The following PPP1R13B variants were observed in gnomAD, a reference collection of about 807,000 sequenced individuals.
PPP1R13B encodes the protein protein phosphatase 1 regulatory subunit 13B.
Under a neutral mutation model 119.8 loss-of-function variants are expected in PPP1R13B, and 44 were observed. That is an observed-to-expected ratio of 0.37 (90% CI 0.29 to 0.47). PPP1R13B has a LOEUF of 0.47. Ranked by LOEUF, PPP1R13B falls within the 20% of genes least tolerant of loss-of-function variation. The probability of loss-of-function intolerance (pLI) is 0.99; values close to 1 mark genes in which losing one functional copy is unlikely to be tolerated. For missense variants in PPP1R13B, 1,227 were observed against 1,413.5 expected, an observed-to-expected ratio of 0.87 and a Z score of 2.12; for synonymous variants, 542 against 561.5, an observed-to-expected ratio of 0.97 and a Z score of 0.49.
rs933007843 is a variant in PPP1R13B at position 103,734,591 on chromosome 14, G to A, written c.*563C>T. On this transcript the variant is annotated 3_prime_UTR_variant, in exon 17 of 17. Transcript: ENST00000202556. ...GAACAGGAAGCGGAACCCCCAAGGC[G>A]GCCGAGCAGAGTGGGTACTGGGAGG... 7 of 456,510 alleles carry A rather than the reference G, an allele frequency of 1.5e-5. No individual in the cohort carries two copies. The highest frequency in any genetic ancestry group is 6.9e-5 in the East Asian group (1 of 14,396). 28.3% of individuals were successfully genotyped at this position (456,510 alleles called of 1,614,324 possible). A position where few individuals can be genotyped will look rare whatever the true frequency, so the allele number is the denominator to read the frequency against.
intron 1 of PPP1R13B, among the ~76,000 whole-genome samples, chr14:103,841,843 G>C (rs1412921600): frequency 2.0e-5 from 3 of 152,150 alleles, no homozygotes; most frequent in African/African-American, 7.2e-5. Flanking sequence ...ATGAATATTA[G>C]AGAACTTCAT....
chr14:103,781,725 C>T (rs758173510), intron 3 of PPP1R13B, among the ~76,000 whole-genome samples: 48 of 152,136 alleles, frequency 3.2e-4, no homozygotes, highest in Non-Finnish European at 4.6e-4. Flanking sequence ...GATCTCAGCT[C>T]GCTGCAAGCT....
intron 4 of PPP1R13B, among the ~76,000 whole-genome samples, chr14:103,777,186 T>C (rs567229537): frequency 2.0e-5 from 3 of 151,850 alleles, no homozygotes; most frequent in Admixed American, 2.0e-4. Context: ...AGAGATAGGG[T>C]TTCACCATAT....
intron 1 of PPP1R13B, among the ~76,000 whole-genome samples, chr14:103,827,512 A>T (rs2086575125): frequency 6.6e-6 from 1 of 151,898 alleles, no homozygotes; most frequent in Non-Finnish European, 1.5e-5. Flanking sequence ...TCCTCTGAAT[A>T]TTAGCCAATA....
intron 8 of PPP1R13B, chr14:103,747,507 G>A (rs1356120447): frequency 6.6e-6 from 1 of 151,896 alleles, no homozygotes; most frequent in Non-Finnish European, 1.5e-5. Context: ...GTATTTTCCA[G>A]ATGAGATTAA....
At chr14:103,795,072 G>C (rs1484392648) in intron 2 of PPP1R13B, among the ~76,000 whole-genome samples, 1 of 152,098 alleles carries the variant, frequency 6.6e-6, no homozygotes, top group Non-Finnish European at 1.5e-5. Flanking sequence ...CAAGAAGCTG[G>C]GACTATAGGC....
intron 5 of PPP1R13B, among the ~76,000 whole-genome samples, chr14:103,755,469 C>T (rs11625740): frequency 2.0e-5 from 3 of 152,072 alleles, no homozygotes; most frequent in Admixed American, 6.5e-5. Flanking sequence ...CTAAAAATAA[C>T]AATATATGCA....
At chr14:103,836,640 C>T (rs979028633) in intron 1 of PPP1R13B, among the ~76,000 whole-genome samples, 4 of 151,844 alleles carry the variant, frequency 2.6e-5, no homozygotes, top group African/African-American at 7.2e-5. Context: ...CGTGGTGGCA[C>T]GCACCTGTAA....
chr14:103,814,810 TG>T (rs1432357512), intron 1 of PPP1R13B, among the ~76,000 whole-genome samples: 1 of 151,742 alleles, frequency 6.6e-6, no homozygotes, highest in Admixed American at 6.6e-5. Context: ...CCGGGCATGG[TG>T]GTGGGCGCCT....
chr14:103,805,964 T>C (rs1595799359), intron 1 of PPP1R13B, among the ~76,000 whole-genome samples: 1 of 152,336 alleles, frequency 6.6e-6, no homozygotes, highest in East Asian at 1.9e-4. Context: ...TGTACAACTA[T>C]GTAAATTTAC....
intron 1 of PPP1R13B, among the ~76,000 whole-genome samples, chr14:103,815,396 T>C (rs984594423): frequency 6.6e-6 from 1 of 152,146 alleles, no homozygotes; most frequent in Non-Finnish European, 1.5e-5. Context: ...AACCAATGAA[T>C]TGTACATTTT....
At chr14:103,803,667 T>A (rs149049980) in intron 1 of PPP1R13B, among the ~76,000 whole-genome samples, 4,408 of 151,896 alleles carry the variant, frequency 0.029, 72 homozygotes, top group South Asian at 0.049. Context: ...AAATAAATAA[T>A]TAATTAATAA....
chr14:103,782,155 A>G (rs532770439), intron 3 of PPP1R13B, among the ~76,000 whole-genome samples: 10 of 152,184 alleles, frequency 6.6e-5, no homozygotes, highest in Non-Finnish European at 1.3e-4. Context: ...AGTTGCGTAG[A>G]TATCTTTCCA....
chr14:103,766,260 G>A (rs570593996), intron 4 of PPP1R13B, among the ~76,000 whole-genome samples: 12 of 152,034 alleles, frequency 7.9e-5, no homozygotes, highest in Non-Finnish European at 1.6e-4. Context: ...CACCCACCTC[G>A]GCTTCCCAAG....
intron 11 of PPP1R13B, 104 bp downstream of exon 11, chr14:103,741,686 C>T: frequency 7.3e-7 from 1 of 1,376,684 alleles, no homozygotes; most frequent in Non-Finnish European, 9.9e-7. Context: ...TAAGTTTAAT[C>T]CTAAATAGCA....
chr14:103,759,360 C>T (rs1374734233), intron 4 of PPP1R13B: 2 of 142,832 alleles, frequency 1.4e-5, no homozygotes, highest in Non-Finnish European at 1.5e-5. Flanking sequence ...AATTTAGAGA[C>T]TGAATCTCAC....
intron 2 of PPP1R13B, among the ~76,000 whole-genome samples, chr14:103,790,729 C>T (rs2085596180): frequency 6.6e-6 from 1 of 151,362 alleles, no homozygotes. Context: ...ACAGGCTGAG[C>T]GTGGGTGGCT....
chr14:103,768,877 C>G (rs2084999518), intron 4 of PPP1R13B, among the ~76,000 whole-genome samples: 1 of 152,088 alleles, frequency 6.6e-6, no homozygotes, highest in Admixed American at 6.6e-5. Flanking sequence ...CTCTCAGTAT[C>G]TCTTTAAACT....
chr14:103,800,816 C>T (rs1160955005), intron 1 of PPP1R13B, among the ~76,000 whole-genome samples: 1 of 152,036 alleles, frequency 6.6e-6, no homozygotes, highest in Admixed American at 6.6e-5. Context: ...TAATCTCCCC[C>T]GACTCTAACT....
Sources: gnomAD v4.1 joint callset for allele counts (sites outside exome capture counted in the v4.1 genomes callset) on GRCh38, gnomAD v4.1.1 for gene constraint, MANE v1.5 for transcripts, NCBI Gene and HGNC (gene_info 2026-07-23, HGNC 2026-07-21) for gene names.